Variants in CIBAR1 observed in about 807,000 individuals in gnomAD.
CIBAR1 encodes the protein CBY1 interacting BAR domain containing 1.
Under a neutral mutation model 44.0 loss-of-function variants are expected in CIBAR1, and 25 were observed. That is an observed-to-expected ratio of 0.57 (90% CI 0.41 to 0.79). The LOEUF (loss-of-function observed/expected upper bound fraction) is 0.79, where lower values mean the gene tolerates loss of function less well. CIBAR1 is among the 30% of genes least tolerant of loss of function. The probability of loss-of-function intolerance (pLI) is 0.00; values close to 1 mark genes in which losing one functional copy is unlikely to be tolerated. For missense variants in CIBAR1, 278 were observed against 344.8 expected, an observed-to-expected ratio of 0.81 and a Z score of 1.53; for synonymous variants, 115 against 119.0, an observed-to-expected ratio of 0.97 and a Z score of 0.22.
intron 6 of CIBAR1, among the ~76,000 whole-genome samples, chr8:93,711,248 G>A (rs1810812647): frequency 2.0e-5 from 3 of 152,110 alleles, no homozygotes; most frequent in African/African-American, 7.2e-5. Flanking sequence ...AGATTTTCCT[G>A]TAACAGGCTT....
intron 1 of CIBAR1, chr8:93,700,940 A>T: frequency 7.3e-7 from 1 of 1,374,708 alleles, no homozygotes; most frequent in Non-Finnish European, 9.3e-7. Context: ...GAAGCCTAGG[A>T]GGCAGCCGGG....
At chr8:93,724,333 A>T (rs1388940426) in intron 7 of CIBAR1, among the ~76,000 whole-genome samples, 2 of 152,146 alleles carry the variant, frequency 1.3e-5, no homozygotes, top group Non-Finnish European at 2.9e-5. Context: ...TATATATATA[A>T]AATTTTTTTT....
intron 6 of CIBAR1, among the ~76,000 whole-genome samples, chr8:93,710,953 T>G (rs1368141384): frequency 6.6e-6 from 1 of 152,150 alleles, no homozygotes; most frequent in Non-Finnish European, 1.5e-5. Context: ...TATAATACAG[T>G]CATTAATTTT....
chr8:93,709,830 G>A lies in CIBAR1; in HGVS notation c.498G>A (p.Glu166=), dbSNP rs759546035. The part of the protein sequence containing the change: ...MDASRTSRHL[E]ETINNFERQK... ...CTAGCCGAACAAGTCGTCATCTGGAGGAAACTATTAACAACTTTGAAAGGC... is the reference window on the plus strand; with the variant it reads ...CTAGCCGAACAAGTCGTCATCTGGAAGAAACTATTAACAACTTTGAAAGGC... The change falls in exon 6 of 9, where the codon GAG becomes GAA. Residue 166 remains glutamate (E), a synonymous_variant. Coordinates refer to ENST00000518322, the MANE Select transcript of CIBAR1 (RefSeq NM_145269.5). 1 of 1,612,944 alleles carries A rather than the reference G, an allele frequency of 6.2e-7. No individual in the cohort carries two copies. The highest frequency in any genetic ancestry group is 1.7e-5 in the Admixed American group (1 of 59,964).
At position 93,726,414 on chromosome 8, in the gene CIBAR1, T is replaced by G. The variant is rs780468915; in HGVS notation, c.678T>G (p.Tyr226Ter). ...AATAGGTTTTCCGAAATTCTCTGTATGCACCAGATTATTCATCTCGTTTAG... is the reference window on the plus strand; with the variant it reads ...AATAGGTTTTCCGAAATTCTCTGTAGGCACCAGATTATTCATCTCGTTTAG... ...EDLEVFRNSL[Y>*]APDYSSRLDI... The change falls in exon 8 of 9, where the codon TAT becomes TAG. Residue 226 changes from tyrosine to a stop codon, truncating the protein, a stop_gained. Transcript: ENST00000518322. LOFTEE classifies it high-confidence loss of function. The G allele has an allele frequency of 6.2e-7, 1 of 1,613,426 alleles. No homozygotes were observed. Among genetic ancestry groups the G allele is most frequent in the Non-Finnish European group, 8.5e-7 (1 of 1,179,480 alleles).
Position 93,700,562 on chromosome 8 carries a change from GC to G in CIBAR1, c.-85del, listed in dbSNP as rs1351083440. The G allele has an allele frequency of 5.1e-6, 7 of 1,375,606 alleles. No individual in the cohort carries two copies. Among genetic ancestry groups the G allele is most frequent in the Non-Finnish European group, 6.6e-6 (7 of 1,063,442 alleles). The allele number at this position is 1,375,606 out of a possible 1,614,324, so 85.2% of individuals were successfully genotyped here. A position where few individuals can be genotyped will look rare whatever the true frequency, so the allele number is the denominator to read the frequency against. On this transcript the variant is annotated 5_prime_UTR_variant, in exon 1 of 9. Transcript: ENST00000518322. Reference sequence around the variant, plus strand: ...GGGGCGGGCTTTCAGGCTCCCGGCGGCTGCTTGCGCCCCAGCGCGCGCCCAG... The same window carrying G: ...GGGGCGGGCTTTCAGGCTCCCGGCGGTGCTTGCGCCCCAGCGCGCGCCCAG...
chr8:93,708,471 T>G (rs1232123160), intron 5 of CIBAR1, among the ~76,000 whole-genome samples: 1 of 152,188 alleles, frequency 6.6e-6, no homozygotes, highest in African/African-American at 2.4e-5. Context: ...AATTTTTTAT[T>G]TAATTTTAAT....
At chr8:93,727,115 C>A (rs751907784) in intron 8 of CIBAR1, 14 of 957,878 alleles carry the variant, frequency 1.5e-5, no homozygotes, top group Admixed American at 7.0e-5. Flanking sequence ...TAATAAAATT[C>A]TATTTACAAA....
At chr8:93,716,051 G>T (rs1258564850) in intron 6 of CIBAR1, 2 of 152,062 alleles carry the variant, frequency 1.3e-5, no homozygotes, top group African/African-American at 4.8e-5. Flanking sequence ...TTGTTTTTTT[G>T]TTGTTGTTTT....
chr8:93,722,653 T>A (rs1014673384), intron 7 of CIBAR1, among the ~76,000 whole-genome samples: 9 of 151,948 alleles, frequency 5.9e-5, no homozygotes, highest in African/African-American at 1.9e-4. Context: ...GAGCTGAGAG[T>A]GTGCCAATTG....
chr8:93,707,141 A>G, intron 4 of CIBAR1: 1 of 332,548 alleles, frequency 3.0e-6, no homozygotes, highest in South Asian at 2.5e-5. Context: ...ATCTGTATTC[A>G]TGGAGTTGTA....
rs1811675659 is a variant in CIBAR1 at position 93,728,933 on chromosome 8, C to T, written c.*636C>T. 6.6e-6 allele frequency: 1 copy of T among 152,046 alleles called. No homozygotes were observed. The highest frequency in any genetic ancestry group is 1.5e-5 in the Non-Finnish European group (1 of 67,948). The allele number at this position is 152,046 out of a possible 1,614,324, so 9.4% of individuals were successfully genotyped here. ...AAACAAAACTGCTGTCATAATTATACATGATACTGCAACTTTTGGAAGGCT... is the reference window on the plus strand; with the variant it reads ...AAACAAAACTGCTGTCATAATTATATATGATACTGCAACTTTTGGAAGGCT... On this transcript the variant is annotated 3_prime_UTR_variant, in exon 9 of 9. Transcript: ENST00000518322.
intron 7 of CIBAR1, among the ~76,000 whole-genome samples, chr8:93,724,804 G>C (rs1811410996): frequency 6.6e-6 from 1 of 152,158 alleles, no homozygotes. Context: ...ATGGCCAGTG[G>C]CTACGTTTCT....
chr8:93,705,054 G>C (rs1563639911), intron 4 of CIBAR1, 44 bp downstream of exon 4: 1 of 1,253,566 alleles, frequency 8.0e-7, no homozygotes, highest in South Asian at 1.2e-5. Flanking sequence ...TTAAGGTATG[G>C]AGTACAAAAG....
At chr8:93,717,136 A>AT (rs1811064594) in intron 6 of CIBAR1, among the ~76,000 whole-genome samples, 1 of 152,172 alleles carries the variant, frequency 6.6e-6, no homozygotes, top group African/African-American at 2.4e-5. Flanking sequence ...GGCACATGCC[A>AT]TTGTGCCTGG....
At chr8:93,712,303 A>G (rs1810857083) in intron 6 of CIBAR1, among the ~76,000 whole-genome samples, 1 of 152,208 alleles carries the variant, frequency 6.6e-6, no homozygotes, top group Admixed American at 6.5e-5. Context: ...GGAATCATCA[A>G]ATATGTTGAC....
chr8:93,723,501 G>A (rs1029619935), intron 7 of CIBAR1, among the ~76,000 whole-genome samples: 11 of 151,812 alleles, frequency 7.2e-5, no homozygotes, highest in Admixed American at 4.6e-4. Flanking sequence ...CCTAATTTAG[G>A]TCTCCTTTTC....
At chr8:93,723,671 G>C (rs747152588) in intron 7 of CIBAR1, among the ~76,000 whole-genome samples, 4 of 152,022 alleles carry the variant, frequency 2.6e-5, no homozygotes, top group Non-Finnish European at 4.4e-5. Flanking sequence ...GGGCTCCGTT[G>C]GTCTAGAGAA....
intron 7 of CIBAR1, among the ~76,000 whole-genome samples, chr8:93,725,388 T>G (rs1811446324): frequency 6.6e-6 from 1 of 152,034 alleles, no homozygotes; most frequent in Non-Finnish European, 1.5e-5. Flanking sequence ...GCCAGGACAA[T>G]GAAAGAGTTT....
Sources: allele counts gnomAD v4.1 joint callset (sites outside exome capture counted in the v4.1 genomes callset), GRCh38; gene constraint gnomAD v4.1.1; transcripts MANE v1.5; gene names NCBI Gene and HGNC (gene_info 2026-07-23, HGNC 2026-07-21).